Variants in PDE1C observed in about 807,000 individuals in gnomAD.
PDE1C encodes the protein phosphodiesterase 1C.
In PDE1C, 62 loss-of-function variants were observed where a neutral mutation model predicts 93.1. The ratio of observed to expected loss-of-function variants is 0.67; its 90% confidence interval spans 0.54 to 0.82. The LOEUF is 0.82. Among genes scored for constraint, PDE1C ranks in the 40% least tolerant of loss-of-function variants. PDE1C has a pLI of 0.00. For missense variants in PDE1C, 742 were observed against 884.6 expected (o/e 0.84, Z 2.04); for synonymous variants, 325 against 310.1 (o/e 1.05, Z -0.50).
the PDE1C span, among the ~76,000 whole-genome samples, chr7:31,716,646 T>C: frequency 6.6e-6 from 1 of 152,230 alleles, no homozygotes; most frequent in East Asian, 1.9e-4. Context: ...TGTTATTTAG[T>C]TCCTGCACAG....
At chr7:31,760,968 C>T (rs761812295) in intron 17 of PDE1C, among the ~76,000 whole-genome samples, 20 of 152,160 alleles carry the variant, frequency 1.3e-4, no homozygotes, top group Non-Finnish European at 2.2e-4. Flanking sequence ...TTTTGAACTG[C>T]AAGGGACTGG....
chr7:32,298,292 G>C (rs1812755482), intron 1 of PDE1C, among the ~76,000 whole-genome samples: 1 of 151,822 alleles, frequency 6.6e-6, no homozygotes, highest in South Asian at 2.1e-4. Context: ...TCCCTCTCTC[G>C]GCACTATCTT....
At chr7:32,241,724 G>C (rs916160053) in intron 1 of PDE1C, among the ~76,000 whole-genome samples, 2 of 152,042 alleles carry the variant, frequency 1.3e-5, no homozygotes, top group African/African-American at 2.4e-5. Context: ...GTCATGCAGT[G>C]GGGGGGCAGC....
chr7:31,770,854 C>T (rs879754144), intron 17 of PDE1C, among the ~76,000 whole-genome samples: 4 of 152,160 alleles, frequency 2.6e-5, no homozygotes, highest in Non-Finnish European at 5.9e-5. Context: ...ATGGTTCCCT[C>T]TCCATGCTAT....
intron 2 of PDE1C, among the ~76,000 whole-genome samples, chr7:32,176,679 C>T (rs4720052): frequency 0.69 from 104,849 of 151,794 alleles, 36,320 homozygotes; most frequent in South Asian, 0.84. Flanking sequence ...GAGAGATCAA[C>T]TCTAAATATG....
At chr7:31,692,627 C>T in the PDE1C span, 1 of 1,056,176 alleles carries the variant, frequency 9.5e-7, no homozygotes, top group Admixed American at 2.0e-5. Flanking sequence ...CCCCCGAAAC[C>T]TGATAGTCTG....
At chr7:31,664,932 G>A in the PDE1C span, among the ~76,000 whole-genome samples, 1 of 152,096 alleles carries the variant, frequency 6.6e-6, no homozygotes, top group African/African-American at 2.4e-5. Flanking sequence ...ACATAAATCA[G>A]GTACATTGGC....
chr7:31,824,856 TC>T lies in PDE1C; in HGVS notation c.1406+10del. The T allele has an allele frequency of 6.2e-7, 1 of 1,611,988 alleles. No individual in the cohort carries two copies. The highest frequency in any genetic ancestry group is 8.5e-7 in the Non-Finnish European group (1 of 1,178,630). On this transcript the variant is annotated intron_variant, in intron 13 of 17. Coordinates refer to ENST00000396191, the MANE Select transcript of PDE1C (RefSeq NM_001191057.4). ...CAACCTCACCCTCAGCCCTCAAGCT[TC>T]CCCACTGACCTCGAACGCCTCTGTC... is the stretch of plus-strand genomic sequence containing the variant.
chr7:31,668,137 T>C, the PDE1C span, among the ~76,000 whole-genome samples: 1 of 152,204 alleles, frequency 6.6e-6, no homozygotes, highest in African/African-American at 2.4e-5. Flanking sequence ...GAAATTAGGC[T>C]TTTGTGTGAC....
At chr7:31,905,052 C>A (rs1473862594) in intron 2 of PDE1C, among the ~76,000 whole-genome samples, 2 of 152,096 alleles carry the variant, frequency 1.3e-5, no homozygotes, top group Non-Finnish European at 2.9e-5. Flanking sequence ...TGGCCTCATA[C>A]AGCTCACAGC....
At chr7:31,927,225 T>C (rs935683778) in intron 2 of PDE1C, among the ~76,000 whole-genome samples, 1 of 152,202 alleles carries the variant, frequency 6.6e-6, no homozygotes, top group Non-Finnish European at 1.5e-5. Flanking sequence ...GCAAAGGTCC[T>C]GGGGCTGGAC....
chr7:31,907,864 G>A (rs1800786356), intron 2 of PDE1C, among the ~76,000 whole-genome samples: 1 of 151,844 alleles, frequency 6.6e-6, no homozygotes, highest in Non-Finnish European at 1.5e-5. Context: ...CTGGAAAGAG[G>A]TGAAAATTAC....
intron 1 of PDE1C, among the ~76,000 whole-genome samples, chr7:32,390,352 A>T (rs1329201531): frequency 1.3e-5 from 2 of 152,028 alleles, no homozygotes; most frequent in Non-Finnish European, 2.9e-5. Flanking sequence ...TTCCAAGAGG[A>T]CATTTTACAA....
intron 1 of PDE1C, among the ~76,000 whole-genome samples, chr7:32,310,966 T>G (rs574990994): frequency 6.6e-6 from 1 of 152,216 alleles, no homozygotes; most frequent in African/African-American, 2.4e-5. Flanking sequence ...ATCCAGGAGC[T>G]GCTTTTTTGA....
At chr7:31,780,803 TTGTGTGTGTGTGTGTGTGTG>T (rs55970947) in intron 16 of PDE1C, among the ~76,000 whole-genome samples, 3,214 of 149,722 alleles carry the variant, frequency 0.021, 122 homozygotes, top group African/African-American at 0.075. Context: ...ACGTGTGCAT[TTGTGTGTGTGTGTGTGTGTG>T]TGTGTGTGTG....
intron 1 of PDE1C, among the ~76,000 whole-genome samples, chr7:32,321,259 T>C (rs369547882): frequency 2.0e-5 from 3 of 152,214 alleles, no homozygotes; most frequent in African/African-American, 7.2e-5. Flanking sequence ...GCCTGCATTG[T>C]TAGCCCGGCT....
intron 1 of PDE1C, among the ~76,000 whole-genome samples, chr7:32,327,006 T>G (rs1168262383): frequency 6.6e-6 from 1 of 152,172 alleles, no homozygotes; most frequent in Non-Finnish European, 1.5e-5. Flanking sequence ...ATAATCCACC[T>G]AATAACATGA....
At chr7:31,727,915 G>C in the PDE1C span, among the ~76,000 whole-genome samples, 12 of 152,094 alleles carry the variant, frequency 7.9e-5, no homozygotes, top group African/African-American at 1.2e-4. Flanking sequence ...GTGGTGGCAT[G>C]CACCTATATT....
At chr7:32,204,753 GCTCA>G (rs1289425937) in intron 2 of PDE1C, among the ~76,000 whole-genome samples, 1 of 152,170 alleles carries the variant, frequency 6.6e-6, no homozygotes, top group Non-Finnish European at 1.5e-5. Flanking sequence ...CTCAGCTAAT[GCTCA>G]CTTTCTCCAG....
Sources: allele counts gnomAD v4.1 joint callset (sites outside exome capture counted in the v4.1 genomes callset), GRCh38; gene constraint gnomAD v4.1.1; transcripts MANE v1.5; gene names NCBI Gene and HGNC (gene_info 2026-07-23, HGNC 2026-07-21).